Variants in MROH2B observed in about 807,000 individuals in gnomAD.
MROH2B encodes the protein maestro heat like repeat family member 2B.
A neutral mutation model predicts 208.6 loss-of-function variants in MROH2B; 177 were observed. The observed-to-expected ratio is 0.85, with a 90% CI of 0.75 to 0.96. MROH2B has a LOEUF of 0.96. Among genes scored for constraint, MROH2B ranks in the 40% least tolerant of loss-of-function variants. The probability of loss-of-function intolerance (pLI) is 0.00; values close to 1 mark genes in which losing one functional copy is unlikely to be tolerated. For synonymous variants in MROH2B, 728 were observed against 659.0 expected, an observed-to-expected ratio of 1.10 and a Z score of -1.60; for missense variants, 2,002 against 1,878.7, an observed-to-expected ratio of 1.07 and a Z score of -1.21.
rs531343941 is a variant in MROH2B at position 41,050,871 on chromosome 5, G to A, written c.1344+106C>T. On this transcript the variant is annotated intron_variant, in intron 13 of 41. Coordinates refer to ENST00000399564, the MANE Select transcript of MROH2B (RefSeq NM_173489.5). ...ATACTTCCTCTAGTCAGAGCATCAG[G>A]AAGCTGATGACAAATGGAGAACAAA... 100 of 720,900 alleles carry A rather than the reference G, an allele frequency of 1.4e-4. 1 individual carries two copies. The South Asian group carries it at 1.8e-3, about 13-fold the overall frequency. The allele number at this position is 720,900 out of a possible 1,614,324, so 44.7% of individuals were successfully genotyped here.
chr5:41,020,582 A>G (rs1336375716), intron 24 of MROH2B, among the ~76,000 whole-genome samples: 2 of 152,236 alleles, frequency 1.3e-5, no homozygotes, highest in African/African-American at 4.8e-5. Context: ...CTGATATGAC[A>G]TAGATGCCAC....
intron 3 of MROH2B, 26 bp downstream of exon 3, chr5:41,067,082 T>C: frequency 7.0e-7 from 1 of 1,422,770 alleles, no homozygotes; most frequent in Non-Finnish European, 9.7e-7. Flanking sequence ...ATAAAGACCC[T>C]TTTCACCATC....
intron 5 of MROH2B, among the ~76,000 whole-genome samples, chr5:41,062,827 G>GGTGTATGTGTGTGTGGCTGTGTGT (rs1376645332): frequency 2.0e-5 from 3 of 151,966 alleles, no homozygotes; most frequent in Non-Finnish European, 2.9e-5. Flanking sequence ...TTTATTTCTT[G>GGTGTATGTGTGTGTGGCTGTGTGT]GTGTATGTGT....
chr5:41,019,861 A>C (rs150169828), intron 24 of MROH2B, among the ~76,000 whole-genome samples: 2 of 152,220 alleles, frequency 1.3e-5, no homozygotes, highest in Non-Finnish European at 2.9e-5. Context: ...TATGTATAGT[A>C]AGCTGCATCC....
chr5:41,068,606 T>G (rs1380863070), intron 2 of MROH2B, among the ~76,000 whole-genome samples: 1 of 152,224 alleles, frequency 6.6e-6, no homozygotes, highest in Non-Finnish European at 1.5e-5. Context: ...CTATTATTAT[T>G]CTTTAACTAG....
At chr5:41,035,443 G>A (rs1742724662) in intron 21 of MROH2B, among the ~76,000 whole-genome samples, 3 of 151,966 alleles carry the variant, frequency 2.0e-5, no homozygotes, top group South Asian at 2.1e-4. Context: ...TTAACCCAAG[G>A]TAGATTAAAG....
chr5:41,025,105 T>C (rs1451246556), intron 24 of MROH2B, among the ~76,000 whole-genome samples: 2 of 152,226 alleles, frequency 1.3e-5, no homozygotes, highest in East Asian at 3.9e-4. Context: ...ATTGACACCC[T>C]AACATCACAA....
rs773524437 is a variant in MROH2B, at chr5:41,000,188, T to G, written c.4482+32A>C. 1.9e-6 allele frequency: 3 copies of G among 1,611,248 alleles called. No individual in the cohort carries two copies. In the African/African-American group the frequency reaches 4.0e-5, roughly 22 times the overall value. ...GATTTGTCTAGACCCTTGTCCTGCC[T>G]TTTTTGGAGGCGGCATCTATTGGAC... On this transcript the variant is annotated intron_variant, in intron 39 of 41. Transcript: ENST00000399564.
chr5:41,047,704 C>A lies in MROH2B; in HGVS notation c.1728+17G>T. ...CATCATGCCATTATTAAAAATTATTCTAGAAGCCAGCCTTACCTGAAGCAG... is the reference window on the plus strand; with the variant it reads ...CATCATGCCATTATTAAAAATTATTATAGAAGCCAGCCTTACCTGAAGCAG... On this transcript the variant is annotated intron_variant, in intron 17 of 41. Transcript: ENST00000399564. 6.3e-7 allele frequency: 1 copy of A among 1,585,978 alleles called. No individual in the cohort carries two copies. Among genetic ancestry groups the A allele is most frequent in the South Asian group, 1.2e-5 (1 of 86,594 alleles).
At chr5:41,028,840 T>A (rs151238119) in intron 24 of MROH2B, among the ~76,000 whole-genome samples, 4 of 152,260 alleles carry the variant, frequency 2.6e-5, no homozygotes, top group African/African-American at 9.6e-5. Flanking sequence ...TTTTGTTACA[T>A]GGATGAGCTG....
At position 41,018,740 on chromosome 5, in the gene MROH2B, G is replaced by A; in HGVS notation, c.2624C>T (p.Thr875Ile). The change falls in exon 26 of 42, where the codon ACC (threonine) becomes ATC (isoleucine). Residue 875 changes from threonine to isoleucine, a missense_variant. Thr to Ile is a moderately conservative substitution (Grantham distance 89). Transcript: ENST00000399564. Reference protein sequence around the residue: ...SMDALGKLLKTMMWDNVNAED... With the variant: ...SMDALGKLLKIMMWDNVNAED... ...TGCATTCACATTATCCCACATCATGGTCTTCAGAAGTTTTCCTAGGGCGTC... is the reference window on the plus strand; with the variant it reads ...TGCATTCACATTATCCCACATCATGATCTTCAGAAGTTTTCCTAGGGCGTC... 1.2e-6 allele frequency: 2 copies of A among 1,613,908 alleles called. No homozygotes were observed. The highest frequency in any genetic ancestry group is 1.7e-4 in the Middle Eastern group (1 of 6,060).
At chr5:41,004,611 T>C in intron 36 of MROH2B, 83 bp from the exon 37 acceptor site, 1 of 1,515,612 alleles carries the variant, frequency 6.6e-7, no homozygotes, top group Non-Finnish European at 8.8e-7. Context: ...ACAAGAGGAC[T>C]GAAATTTTGT....
At chr5:41,009,255 G>T in intron 32 of MROH2B, 25 bp downstream of exon 32, 2 of 1,612,424 alleles carry the variant, frequency 1.2e-6, no homozygotes, top group Non-Finnish European at 1.7e-6. Context: ...TCAGGCAAGT[G>T]ATGGGTTCAG....
At chr5:41,014,085 T>A (rs1213915684) in intron 29 of MROH2B, among the ~76,000 whole-genome samples, 1 of 152,216 alleles carries the variant, frequency 6.6e-6, no homozygotes, top group Non-Finnish European at 1.5e-5. Context: ...ACTAGGAATA[T>A]GAGCCCCGTC....
intron 35 of MROH2B, 78 bp from the exon 36 acceptor site, chr5:41,004,998 G>A (rs1561273744): frequency 6.5e-7 from 1 of 1,530,470 alleles, no homozygotes; most frequent in Non-Finnish European, 8.8e-7. Context: ...GACATCACAA[G>A]TACAATTAAA....
intron 24 of MROH2B, among the ~76,000 whole-genome samples, chr5:41,026,083 C>T (rs1293345301): frequency 1.3e-5 from 2 of 151,878 alleles, no homozygotes; most frequent in South Asian, 2.1e-4. Flanking sequence ...CAATATCATA[C>T]GAATGAGCAA....
intron 2 of MROH2B, among the ~76,000 whole-genome samples, chr5:41,067,757 A>C (rs541709020): frequency 6.6e-6 from 1 of 152,194 alleles, no homozygotes; most frequent in South Asian, 2.1e-4. Flanking sequence ...TAACTTGGCT[A>C]TATTTCTATG....
chr5:41,052,981 G>A (rs982809345), intron 11 of MROH2B, among the ~76,000 whole-genome samples: 1 of 152,114 alleles, frequency 6.6e-6, no homozygotes, highest in African/African-American at 2.4e-5. Context: ...TATAAATAGA[G>A]GGAGAAGAAA....
chr5:41,011,439 G>C (rs925495712), intron 30 of MROH2B, among the ~76,000 whole-genome samples: 1 of 152,000 alleles, frequency 6.6e-6, no homozygotes, highest in Middle Eastern at 3.2e-3. Context: ...ATCAATTTTG[G>C]CTGTCTCATG....
Sources: gnomAD v4.1 joint callset for allele counts (sites outside exome capture counted in the v4.1 genomes callset) on GRCh38, gnomAD v4.1.1 for gene constraint, MANE v1.5 for transcripts, NCBI Gene and HGNC (gene_info 2026-07-23, HGNC 2026-07-21) for gene names.